The following KIF19 variants were observed in gnomAD, a reference collection of about 807,000 sequenced individuals.
KIF19 encodes the protein kinesin-like protein KIF19.
In KIF19, 98 loss-of-function variants were observed where a neutral mutation model predicts 106.6. That is an observed-to-expected ratio of 0.92 (90% CI 0.78 to 1.09). The LOEUF (loss-of-function observed/expected upper bound fraction) is 1.09. Ranked by LOEUF, KIF19 falls within the 50% of genes least tolerant of loss-of-function variation. The pLI, the probability that KIF19 is intolerant of heterozygous loss-of-function variation, is 0.00. For missense variants in KIF19, 1,373 were observed against 1,414.3 expected (o/e 0.97, Z 0.47); for synonymous variants, 516 against 584.2 (o/e 0.88, Z 1.68).
chr17:74,352,642 A>G (rs1189173008), intron 14 of KIF19, among the ~76,000 whole-genome samples, 179 bp from the exon 15 acceptor site: 2 of 152,138 alleles, frequency 1.3e-5, no homozygotes, highest in African/African-American at 4.8e-5. Flanking sequence ...AGGCAGTGCC[A>G]CTGGGGAAGC....
intron 1 of KIF19, among the ~76,000 whole-genome samples, chr17:74,327,130 C>T (rs1339332712): frequency 2.0e-5 from 3 of 152,164 alleles, no homozygotes; most frequent in Non-Finnish European, 2.9e-5. Flanking sequence ...GCCCCTTCCT[C>T]ATCCCCTAAT....
At chr17:74,329,102 G>A (rs1051140102) in intron 2 of KIF19, 26 of 152,318 alleles carry the variant, frequency 1.7e-4, no homozygotes, top group African/African-American at 6.0e-4. Flanking sequence ...CAGCTAACAA[G>A]GGCTTCAAAG....
Position 74,352,091 on chromosome 17 carries a change from C to T in KIF19, c.1812C>T (p.Arg604=), listed in dbSNP as rs781026281. Residue 604 remains arginine (R), a synonymous_variant, in exon 13 of 20, where the codon CGC becomes CGT. Coordinates refer to ENST00000389916, the MANE Select transcript of KIF19 (RefSeq NM_153209.4). ...HEAVRRLEQH[R]SLCDEIIQGQ... is the part of the protein sequence containing the mutation. ...CCGTGCGCCGCCTGGAGCAGCACCG[C>T]AGTCTCTGCGACGAGATTATCCAGG... The T allele has an allele frequency of 6.3e-7, 1 of 1,590,582 alleles. No individual in the cohort carries two copies.
chr17:74,327,374 G>C (rs1011543164), intron 1 of KIF19, among the ~76,000 whole-genome samples: 2 of 152,356 alleles, frequency 1.3e-5, no homozygotes, highest in Middle Eastern at 3.4e-3. Flanking sequence ...CCGGGGAGCA[G>C]GGATGAAGGG....
chr17:74,329,480 A>AC (rs1567894984), intron 2 of KIF19: 2 of 151,524 alleles, frequency 1.3e-5, no homozygotes, highest in African/African-American at 4.9e-5. Context: ...AAAAAAAAAA[A>AC]AACTGTGCTT....
At chr17:74,350,616 G>A in intron 11 of KIF19, 41 bp downstream of exon 11, 1 of 1,609,928 alleles carries the variant, frequency 6.2e-7, no homozygotes. Context: ...CCACCCCTGT[G>A]CCTGGGACAG....
At chr17:74,332,283 T>C (rs1016124103) in intron 2 of KIF19, among the ~76,000 whole-genome samples, 2 of 150,480 alleles carry the variant, frequency 1.3e-5, no homozygotes. Flanking sequence ...TCTTAGTAGC[T>C]CCTGGGGTGA....
chr17:74,350,789 AAGGACT>A lies in KIF19; in HGVS notation c.1472_1477del (p.Lys491_Ser493delinsThr). 1 of 1,613,950 alleles carries A rather than the reference AAGGACT, an allele frequency of 6.2e-7. No individual in the cohort carries two copies. Among genetic ancestry groups the A allele is most frequent in the Non-Finnish European group, 8.5e-7 (1 of 1,179,890 alleles). ...GTGCTACGCTAAGGACGACAGCGAG[AAGGACT>A]CAGACACAGGTGATGACCAACCAGA... On this transcript the variant is annotated inframe_deletion, in exon 12 of 20. Coordinates refer to ENST00000389916, the MANE Select transcript of KIF19 (RefSeq NM_153209.4).
At chr17:74,338,166 C>A (rs1034701561) in intron 2 of KIF19, among the ~76,000 whole-genome samples, 1 of 152,374 alleles carries the variant, frequency 6.6e-6, no homozygotes, top group East Asian at 1.9e-4. Context: ...CCAGAGGGTG[C>A]TCCTCAGGCC....
In KIF19 at chr17:74,331,376, CA is replaced by C. The variant is rs869120959; in HGVS notation, c.120+2872del. On this transcript the variant is annotated intron_variant, in intron 2 of 19. Transcript: ENST00000389916. This position sits in a 1 kb window ranked among gnomAD's most constrained non-coding sequence, Gnocchi z 4.1. ...AGTGGGGAGAGGTGGACCGGGGACA[CA>C]GTAACCCGCTGGGCTGGGCCACCGT... 4.1e-5 allele frequency among the ~76,000 whole-genome samples: 5 copies of C among 122,698 alleles called. No individual in the cohort carries two copies. Among genetic ancestry groups the C allele is most frequent in the Non-Finnish European group, 9.6e-5 (5 of 51,890 alleles). 80.5% of individuals were successfully genotyped at this position (122,698 alleles called of 152,430 possible). A position where few individuals can be genotyped will look rare whatever the true frequency, so the allele number is the denominator to read the frequency against.
Position 74,350,537 on chromosome 17 carries a change from C to G in KIF19, c.1350C>G (p.Val450=), listed in dbSNP as rs748115638. 5 of 1,612,968 alleles carry G rather than the reference C, an allele frequency of 3.1e-6. No homozygotes were observed. Among genetic ancestry groups the G allele is most frequent in the Non-Finnish European group, 1.7e-6 (2 of 1,179,866 alleles). The part of the protein sequence containing the change: ...LLELENRAME[V]QIDTSRHLLT... ...AGCTGGAGAACCGCGCCATGGAGGT[C>G]CAGATTGACACCTCCCGACACCTGC... is the stretch of plus-strand genomic sequence containing the variant. Residue 450 remains valine (V), a synonymous_variant, in exon 11 of 20, where the codon GTC becomes GTG. Coordinates refer to ENST00000389916, the MANE Select transcript of KIF19 (RefSeq NM_153209.4).
chr17:74,344,188 C>T, intron 5 of KIF19, 35 bp from the exon 6 acceptor site: 1 of 1,591,604 alleles, frequency 6.3e-7, no homozygotes, highest in South Asian at 1.1e-5. Flanking sequence ...CCCTTAGTCT[C>T]CCTTCCCCCA....
rs749524661 is a variant in KIF19 at position 74,346,424 on chromosome 17, G to C, written c.824G>C (p.Arg275Pro). Reference sequence around the variant, plus strand: ...ATGAAGGAGGGGGCCCACATCAACCGCTCACTGCTGGCACTGGGCAACTGC... The same window carrying C: ...ATGAAGGAGGGGGCCCACATCAACCCCTCACTGCTGGCACTGGGCAACTGC... ...QRMKEGAHINRSLLALGNCIN... is the reference protein window; with the variant it reads ...QRMKEGAHINPSLLALGNCIN... The change falls in exon 8 of 20, where the codon CGC (arginine) becomes CCC (proline). Residue 275 changes from arginine to proline, a missense_variant. Arg to Pro is a moderately radical substitution (Grantham distance 103). This residue lies in a region of KIF19 where 5 missense variants were observed against 16.5 expected (regional missense o/e 0.30). Transcript: ENST00000389916. The surrounding 1 kb of genome is among the most constrained non-coding windows in gnomAD (Gnocchi z 4.6). 6.4e-7 allele frequency: 1 copy of C among 1,573,288 alleles called. No individual in the cohort carries two copies. The highest frequency in any genetic ancestry group is 8.6e-7 in the Non-Finnish European group (1 of 1,159,742).
intron 2 of KIF19, among the ~76,000 whole-genome samples, chr17:74,341,630 G>A (rs1255723630): frequency 6.6e-6 from 1 of 152,244 alleles, no homozygotes; most frequent in African/African-American, 2.4e-5. Flanking sequence ...GAAAGCTGAA[G>A]AGGACAGGAA....
At chr17:74,327,664 T>C (rs2053950005) in intron 1 of KIF19, among the ~76,000 whole-genome samples, 1 of 151,974 alleles carries the variant, frequency 6.6e-6, no homozygotes, top group Admixed American at 6.6e-5. Flanking sequence ...GTAGAGACGG[T>C]GTTTCGCCGT....
chr17:74,332,740 C>T (rs955596669), intron 2 of KIF19, among the ~76,000 whole-genome samples: 10 of 152,154 alleles, frequency 6.6e-5, no homozygotes, highest in South Asian at 4.1e-4. Flanking sequence ...CAGCGTGACT[C>T]CTGGGATGGA....
chr17:74,347,536 C>CAA (rs570278328), intron 8 of KIF19, among the ~76,000 whole-genome samples: 2,286 of 109,824 alleles, frequency 0.021, 66 homozygotes, highest in African/African-American at 0.07. Flanking sequence ...GACCCTGTCT[C>CAA]AAAAAAAAAA....
intron 17 of KIF19, among the ~76,000 whole-genome samples, 156 bp downstream of exon 17, chr17:74,353,737 TAGTC>T (rs1284906046): frequency 2.6e-5 from 4 of 152,242 alleles, no homozygotes; most frequent in Non-Finnish European, 4.4e-5. Context: ...CCCTGAGGAT[TAGTC>T]AGTCAAGGAC....
chr17:74,331,094 G>A lies in KIF19; in HGVS notation c.120+2589G>A, dbSNP rs1310045014. Among the ~76,000 whole-genome samples, 1 of 152,146 alleles carries A rather than the reference G, an allele frequency of 6.6e-6. No homozygotes were observed. Among genetic ancestry groups the A allele is most frequent in the Non-Finnish European group, 1.5e-5 (1 of 68,022 alleles). ...GAGACAAGATACATGAACCCAGGAA[G>A]CAAAATGCACATGGACCCCCCCTTA... On this transcript the variant is annotated intron_variant, in intron 2 of 19. Transcript: ENST00000389916. This position sits in a 1 kb window ranked among gnomAD's most constrained non-coding sequence, Gnocchi z 4.1.
Sources: gnomAD v4.1 joint callset for allele counts (sites outside exome capture counted in the v4.1 genomes callset) on GRCh38, gnomAD v4.1.1 for gene constraint, gnomAD v4.1.1 regional missense constraint, Gnocchi (gnomAD v3.1) non-coding constraint, MANE v1.5 for transcripts, NCBI Gene and HGNC (gene_info 2026-07-23, HGNC 2026-07-21) for gene names.